The following SAMD12 variants were observed in gnomAD, a reference collection of about 807,000 sequenced individuals.
SAMD12 encodes sterile alpha motif domain-containing protein 12.
In SAMD12, 9 loss-of-function variants were observed where a neutral mutation model predicts 15.0. The observed-to-expected ratio is 0.60, with a 90% CI of 0.36 to 1.05. The LOEUF (loss-of-function observed/expected upper bound fraction) is 1.05, where lower values mean the gene tolerates loss of function less well. Ranked by LOEUF, SAMD12 falls within the 50% of genes least tolerant of loss-of-function variation. The pLI is 0.01. For synonymous variants in SAMD12, 86 were observed against 90.1 expected, an observed-to-expected ratio of 0.96 and a Z score of 0.25; for missense variants, 230 against 234.2, an observed-to-expected ratio of 0.98 and a Z score of 0.12.
intron 2 of SAMD12, among the ~76,000 whole-genome samples, chr8:118,473,609 G>A (rs1046078159): frequency 3.3e-5 from 5 of 152,112 alleles, no homozygotes; most frequent in Admixed American, 1.3e-4. Context: ...GACCTTTTGT[G>A]TTCTTTTTCC....
chr8:118,337,542 C>CA (rs535187758), intron 4 of SAMD12, among the ~76,000 whole-genome samples: 3 of 152,056 alleles, frequency 2.0e-5, no homozygotes, highest in Non-Finnish European at 4.4e-5. Context: ...TGAAAAATTC[C>CA]AAAAATAAAC....
At chr8:118,333,585 A>C (rs1324339189) in intron 4 of SAMD12, among the ~76,000 whole-genome samples, 1 of 151,734 alleles carries the variant, frequency 6.6e-6, no homozygotes, top group East Asian at 1.9e-4. Context: ...AGTTAGGGCC[A>C]AGAAGGAGTG....
At chr8:118,167,198 C>T in the SAMD12 span, among the ~76,000 whole-genome samples, 2 of 152,014 alleles carry the variant, frequency 1.3e-5, no homozygotes, top group Non-Finnish European at 2.9e-5. Flanking sequence ...CCCCGCGCCC[C>T]CCACACGGAC....
exon 5 of SAMD12, chr8:118,197,430 C>T: frequency 3.7e-6 from 2 of 540,480 alleles, no homozygotes; most frequent in Non-Finnish European, 6.6e-6. Flanking sequence ...GAGTTATGCA[C>T]AGTGATGAAA....
At chr8:118,503,720 T>C (rs1366013029) in intron 2 of SAMD12, among the ~76,000 whole-genome samples, 2 of 152,168 alleles carry the variant, frequency 1.3e-5, no homozygotes, top group East Asian at 3.9e-4. Flanking sequence ...GGGCTCTTCC[T>C]CCATCTCGCA....
At chr8:118,594,260 T>G (rs1257640267) in intron 1 of SAMD12, among the ~76,000 whole-genome samples, 1 of 152,154 alleles carries the variant, frequency 6.6e-6, no homozygotes, top group East Asian at 1.9e-4. Flanking sequence ...CTGTAAGCTT[T>G]CCATTGGCCA....
chr8:118,179,622 G>A, the SAMD12 span, among the ~76,000 whole-genome samples: 1 of 152,048 alleles, frequency 6.6e-6, no homozygotes, highest in Non-Finnish European at 1.5e-5. Context: ...CTGGCCTCAG[G>A]TTTTCTCCCT....
intron 1 of SAMD12, among the ~76,000 whole-genome samples, chr8:118,596,770 A>C (rs1051391898): frequency 2.6e-4 from 40 of 152,304 alleles, no homozygotes; most frequent in African/African-American, 9.1e-4. Context: ...CGGACACTGA[A>C]GAGTAATTAG....
intron 2 of SAMD12, among the ~76,000 whole-genome samples, chr8:118,461,189 C>G (rs1489072392): frequency 6.6e-6 from 1 of 152,192 alleles, no homozygotes; most frequent in Non-Finnish European, 1.5e-5. Context: ...ACTATCTGCT[C>G]CAACACAGAA....
At chr8:118,549,367 G>A (rs62531917) in intron 2 of SAMD12, among the ~76,000 whole-genome samples, 16,827 of 152,246 alleles carry the variant, frequency 0.11, 1,020 homozygotes, top group Middle Eastern at 0.2. Flanking sequence ...AGCATTCGTG[G>A]TTCACGAAAA....
intron 2 of SAMD12, among the ~76,000 whole-genome samples, chr8:118,474,164 T>G (rs544444007): frequency 1.3e-5 from 2 of 152,214 alleles, no homozygotes; most frequent in South Asian, 4.2e-4. Flanking sequence ...TTTCTCCATG[T>G]TGGCCAGGCT....
chr8:118,561,240 T>C (rs2131210990), intron 2 of SAMD12, among the ~76,000 whole-genome samples: 1 of 152,328 alleles, frequency 6.6e-6, no homozygotes, highest in African/African-American at 2.4e-5. Flanking sequence ...CTTTTGATAA[T>C]GTATAGCAAA....
intron 4 of SAMD12, among the ~76,000 whole-genome samples, chr8:118,341,082 A>T (rs531938360): frequency 6.6e-6 from 1 of 152,270 alleles, no homozygotes; most frequent in East Asian, 1.9e-4. Context: ...ATGAAAAACG[A>T]ATGGCTTCTT....
the SAMD12 span, among the ~76,000 whole-genome samples, chr8:118,156,761 G>A: frequency 6.6e-6 from 1 of 152,136 alleles, no homozygotes; most frequent in Non-Finnish European, 1.5e-5. Context: ...AAATGTTGGA[G>A]GAATATATAC....
chr8:118,549,932 T>C (rs569384597), intron 2 of SAMD12, among the ~76,000 whole-genome samples: 1 of 151,602 alleles, frequency 6.6e-6, no homozygotes, highest in East Asian at 1.9e-4. Context: ...GTATCAGCAA[T>C]GGAAGATGAA....
intron 4 of SAMD12, among the ~76,000 whole-genome samples, chr8:118,328,555 C>A (rs1192217007): frequency 2.6e-5 from 4 of 152,176 alleles, no homozygotes; most frequent in African/African-American, 7.2e-5. Flanking sequence ...GATATCCTGG[C>A]CCAGCACATA....
chr8:118,578,438 A>C (rs1343195897), intron 2 of SAMD12, among the ~76,000 whole-genome samples: 1 of 152,184 alleles, frequency 6.6e-6, no homozygotes, highest in Non-Finnish European at 1.5e-5. Context: ...TGTCATCCAG[A>C]AAAGCTGTAC....
intron 3 of SAMD12, among the ~76,000 whole-genome samples, chr8:118,382,291 T>G (rs1484038175): frequency 2.0e-5 from 3 of 152,248 alleles, no homozygotes; most frequent in African/African-American, 7.2e-5. Flanking sequence ...CAAGAGCTGC[T>G]GAGGCACTGA....
At chr8:118,462,558 A>T (rs988803225) in intron 2 of SAMD12, among the ~76,000 whole-genome samples, 5 of 152,118 alleles carry the variant, frequency 3.3e-5, no homozygotes, top group Admixed American at 3.3e-4. Flanking sequence ...CTGTTCATAT[A>T]TCCATCCATC....
Sources: gnomAD v4.1 joint callset for allele counts (sites outside exome capture counted in the v4.1 genomes callset) on GRCh38, gnomAD v4.1.1 for gene constraint, MANE v1.5 for transcripts, NCBI Gene and HGNC (gene_info 2026-07-23, HGNC 2026-07-21) for gene names.